FRMD6: variants seen among roughly 807,000 people sequenced by gnomAD.
FRMD6 encodes the protein FERM domain containing 6.
FRMD6 carries 37 observed loss-of-function variants against 73.2 expected under a neutral mutation model. The ratio of observed to expected loss-of-function variants is 0.51; its 90% CI spans 0.39 to 0.66. The LOEUF (loss-of-function observed/expected upper bound fraction) is 0.66. Among genes scored for constraint, FRMD6 ranks in the 30% least tolerant of loss-of-function variants. The probability of loss-of-function intolerance (pLI) is 0.00; values close to 1 mark genes in which losing one functional copy is unlikely to be tolerated. For missense variants in FRMD6, 714 were observed against 780.5 expected, an observed-to-expected ratio of 0.91 and a Z score of 1.02; for synonymous variants, 273 against 282.2, an observed-to-expected ratio of 0.97 and a Z score of 0.33.
the FRMD6 span, among the ~76,000 whole-genome samples, chr14:51,481,804 C>T: frequency 6.6e-6 from 1 of 152,212 alleles, no homozygotes; most frequent in Non-Finnish European, 1.5e-5. Context: ...TGCTTTCTGG[C>T]ACACGGGCCC....
chr14:51,592,290 T>C lies in FRMD6; in HGVS notation c.-147+21880T>C, dbSNP rs1002975024. On this transcript the variant is annotated intron_variant, in intron 2 of 14. Transcript: ENST00000356218. ...GGTTCAGAGTCCTTTGATCAAAATATTGTTAGGATGCCTTGTTGCTGAACT... is the reference window on the plus strand; with the variant it reads ...GGTTCAGAGTCCTTTGATCAAAATACTGTTAGGATGCCTTGTTGCTGAACT... Among the ~76,000 whole-genome samples the C allele has an allele frequency of 2.6e-5, 4 of 152,226 alleles. No individual in the cohort carries two copies. The East Asian group carries it at 7.7e-4, about 29-fold the overall frequency.
rs1889268976 is a variant in FRMD6 at position 51,589,720 on chromosome 14, G to T, written c.-147+19310G>T. On this transcript the variant is annotated intron_variant, in intron 2 of 14. Coordinates refer to the FRMD6 transcript ENST00000356218. ...CAACTGTGTCCATGACCATGGTCCAGCTTTCTTAAAACAAGTTCCATAGAA... is the reference window on the plus strand; with the variant it reads ...CAACTGTGTCCATGACCATGGTCCATCTTTCTTAAAACAAGTTCCATAGAA... Among the ~76,000 whole-genome samples, 5 of 151,980 alleles carry T rather than the reference G, an allele frequency of 3.3e-5. No homozygotes were observed. The South Asian group carries it at 1.0e-3, about 31-fold the overall frequency.
intron 1 of FRMD6, among the ~76,000 whole-genome samples, chr14:51,686,347 G>T (rs1330820186): frequency 6.6e-6 from 1 of 152,032 alleles, no homozygotes; most frequent in African/African-American, 2.4e-5. Flanking sequence ...ACTTTTAGGG[G>T]TAGTGGACCC....
At chr14:51,667,531 A>G (rs551290605) in intron 1 of FRMD6, among the ~76,000 whole-genome samples, 1 of 152,218 alleles carries the variant, frequency 6.6e-6, no homozygotes, top group Non-Finnish European at 1.5e-5. Flanking sequence ...TACTTAACCC[A>G]TCTAAATATA....
At chr14:51,616,368 G>A (rs550127252) in intron 2 of FRMD6, among the ~76,000 whole-genome samples, 14 of 152,282 alleles carry the variant, frequency 9.2e-5, no homozygotes, top group African/African-American at 3.4e-4. Context: ...ACAGGTCCTG[G>A]AGTGACTGTA....
intron 1 of FRMD6, among the ~76,000 whole-genome samples, chr14:51,658,666 C>T (rs547522733): frequency 1.2e-4 from 18 of 152,046 alleles, no homozygotes; most frequent in Non-Finnish European, 2.4e-4. Flanking sequence ...GAAATTCTGA[C>T]GCTAAAATCT....
chr14:51,504,069 G>A (rs1305842617), intron 1 of FRMD6, among the ~76,000 whole-genome samples: 1 of 151,978 alleles, frequency 6.6e-6, no homozygotes, highest in Non-Finnish European at 1.5e-5. Flanking sequence ...GGGGGTCAGT[G>A]GTGATATCCC....
chr14:51,481,111 A>G, the FRMD6 span, among the ~76,000 whole-genome samples: 1 of 152,234 alleles, frequency 6.6e-6, no homozygotes, highest in East Asian at 1.9e-4. Context: ...ATTCATGCAA[A>G]GATCATTTCA....
chr14:51,526,048 T>G (rs976606475), intron 1 of FRMD6, among the ~76,000 whole-genome samples: 1 of 152,186 alleles, frequency 6.6e-6, no homozygotes, highest in South Asian at 2.1e-4. Context: ...ACCAGTGAGC[T>G]GTGTCTTGTA....
intron 2 of FRMD6, among the ~76,000 whole-genome samples, chr14:51,631,353 C>T (rs931257507): frequency 2.0e-5 from 3 of 152,186 alleles, no homozygotes; most frequent in Non-Finnish European, 2.9e-5. Context: ...TGAATGCCTC[C>T]TTAATCTCTG....
the FRMD6 span, among the ~76,000 whole-genome samples, chr14:51,421,578 A>C: frequency 3.3e-5 from 5 of 152,234 alleles, no homozygotes; most frequent in Admixed American, 1.3e-4. Flanking sequence ...AGAAGCTATT[A>C]AGAATTGTAT....
At chr14:51,429,938 C>T in the FRMD6 span, among the ~76,000 whole-genome samples, 1 of 152,168 alleles carries the variant, frequency 6.6e-6, no homozygotes, top group Non-Finnish European at 1.5e-5. Context: ...ATACCCACCA[C>T]CTTGGGGCAA....
the FRMD6 span, among the ~76,000 whole-genome samples, chr14:51,466,314 G>A: frequency 6.6e-6 from 1 of 152,136 alleles, no homozygotes; most frequent in African/African-American, 2.4e-5. Flanking sequence ...TTTGAGTCCT[G>A]AGAATCCTTT....
At chr14:51,467,030 G>T in the FRMD6 span, among the ~76,000 whole-genome samples, 1 of 151,898 alleles carries the variant, frequency 6.6e-6, no homozygotes, top group African/African-American at 2.4e-5. Context: ...GATTTGGCAG[G>T]GTCATAGGAC....
chr14:51,575,624 TTTC>T (rs1234804926), intron 2 of FRMD6: 1 of 152,290 alleles, frequency 6.6e-6, no homozygotes, highest in Non-Finnish European at 1.5e-5. Flanking sequence ...AGAGATTTTT[TTTC>T]TTCTTCGTCA....
At chr14:51,616,608 C>A (rs992485873) in intron 2 of FRMD6, among the ~76,000 whole-genome samples, 6 of 152,130 alleles carry the variant, frequency 3.9e-5, no homozygotes, top group Admixed American at 2.6e-4. Flanking sequence ...GGGGCTGATC[C>A]TAAGGTGGGG....
At position 51,505,223 on chromosome 14, in the gene FRMD6, A is replaced by C. The variant is rs138437681; in HGVS notation, c.-210+15803A>C. 2.6e-3 allele frequency among the ~76,000 whole-genome samples: 395 copies of C among 152,304 alleles called. 2 individuals carry two copies. Among genetic ancestry groups the C allele is most frequent in the African/African-American group, 8.3e-3 (346 of 41,574 alleles). ...TAGGAATAATTTATTTGTGTTAACA[A>C]ATAATCTTTATTTATTTTTAAACTT... is the stretch of plus-strand genomic sequence containing the variant. On this transcript the variant is annotated intron_variant, in intron 1 of 14. Transcript: ENST00000356218.
intron 1 of FRMD6, among the ~76,000 whole-genome samples, chr14:51,536,394 C>T (rs115034134): frequency 0.018 from 2,781 of 151,928 alleles, 35 homozygotes; most frequent in Non-Finnish European, 0.029. Flanking sequence ...CAGCTGGCCT[C>T]TTGCCCATAT....
At chr14:51,545,172 G>A (rs150990399) in intron 1 of FRMD6, among the ~76,000 whole-genome samples, 7 of 152,208 alleles carry the variant, frequency 4.6e-5, no homozygotes, top group African/African-American at 1.7e-4. Context: ...TAGTAGAATA[G>A]CTTGGTGTCT....
Sources: allele counts gnomAD v4.1 joint callset (sites outside exome capture counted in the v4.1 genomes callset), GRCh38; gene constraint gnomAD v4.1.1; transcripts MANE v1.5; gene names NCBI Gene and HGNC (gene_info 2026-07-23, HGNC 2026-07-21).